The following SLC6A13 variants were observed in gnomAD, a reference collection of about 807,000 sequenced individuals.
The protein encoded by SLC6A13 is sodium- and chloride-dependent GABA transporter 2.
Under a neutral mutation model 72.9 loss-of-function variants are expected in SLC6A13, and 69 were observed. The ratio of observed to expected loss-of-function variants is 0.95; its 90% CI spans 0.78 to 1.16. The LOEUF (loss-of-function observed/expected upper bound fraction) is 1.16, where lower values mean the gene tolerates loss of function less well. Among genes scored for constraint, SLC6A13 ranks in the 50% most tolerant of loss-of-function variants. The pLI, the probability that SLC6A13 is intolerant of heterozygous loss-of-function variation, is 0.00. For missense variants in SLC6A13, 735 were observed against 760.5 expected, an observed-to-expected ratio of 0.97 and a Z score of 0.39; for synonymous variants, 303 against 303.0, an observed-to-expected ratio of 1.00 and a Z score of 0.00.
chr12:246,015 G>A (rs1047984607), intron 2 of SLC6A13, among the ~76,000 whole-genome samples: 6 of 152,008 alleles, frequency 3.9e-5, no homozygotes, highest in African/African-American at 1.5e-4. Flanking sequence ...CTACTTGGGA[G>A]GCTGAGGAAG....
At chr12:241,096 G>C (rs565186245) in intron 4 of SLC6A13, among the ~76,000 whole-genome samples, 1 of 152,208 alleles carries the variant, frequency 6.6e-6, no homozygotes, top group African/African-American at 2.4e-5. Context: ...ACAAGGTCAG[G>C]AGTTCAAGAC....
Position 242,802 on chromosome 12 carries a change from C to T in SLC6A13, c.338-48G>A, listed in dbSNP as rs74057642. ...GGCTAGGAACGGTGGACAGCGGTGG[C>T]GTGCACCTGTCATTTCAGCTATGCG... On this transcript the variant is annotated intron_variant, in intron 3 of 14. Coordinates refer to ENST00000343164, the MANE Select transcript of SLC6A13 (RefSeq NM_016615.5). 35,867 of 1,537,690 alleles carry T rather than the reference C, an allele frequency of 0.023. 3,056 individuals are homozygous for T. The East Asian group carries it at 0.28, about 12-fold the overall frequency.
chr12:242,563 T>C (rs749508441), intron 4 of SLC6A13, 51 bp downstream of exon 4: 2 of 1,571,314 alleles, frequency 1.3e-6, no homozygotes, highest in Non-Finnish European at 1.7e-6. Context: ...CCAATTCCGG[T>C]TAATGTGGCA....
intron 1 of SLC6A13, among the ~76,000 whole-genome samples, chr12:262,304 T>C (rs976629948): frequency 6.6e-6 from 1 of 152,236 alleles, no homozygotes; most frequent in Admixed American, 6.5e-5. Context: ...CATACCAATG[T>C]CTGACTTCAG....
chr12:222,702 C>A, intron 12 of SLC6A13, 70 bp from the exon 13 acceptor site: 1 of 922,810 alleles, frequency 1.1e-6, no homozygotes, highest in Non-Finnish European at 1.7e-6. Flanking sequence ...CAGGATGGGG[C>A]CACAAACAGA....
intron 9 of SLC6A13, 104 bp from the exon 10 acceptor site, chr12:224,617 A>G: frequency 1.1e-6 from 1 of 873,694 alleles, no homozygotes; most frequent in Non-Finnish European, 1.8e-6. Context: ...CAGGGGCTAG[A>G]GGAAACTTCA....
intron 2 of SLC6A13, among the ~76,000 whole-genome samples, chr12:246,974 C>G (rs1023899860): frequency 6.9e-6 from 1 of 145,610 alleles, no homozygotes. Flanking sequence ...TACCACTGCA[C>G]TCCAGCCTGG....
intron 2 of SLC6A13, among the ~76,000 whole-genome samples, chr12:250,980 C>A (rs1266616653): frequency 6.6e-6 from 1 of 151,634 alleles, no homozygotes; most frequent in Admixed American, 6.6e-5. Context: ...CACGGTGAAA[C>A]CCTGTCTCTA....
At chr12:221,244 G>A (rs761760989) in intron 14 of SLC6A13, 132 bp downstream of exon 14, 56 of 1,274,082 alleles carry the variant, frequency 4.4e-5, no homozygotes, top group Non-Finnish European at 5.6e-5. Flanking sequence ...CCACTCTATC[G>A]CTCCCTGACA....
In SLC6A13 at chr12:237,240, C is replaced by A. The variant is rs373279173; in HGVS notation, c.614G>T (p.Arg205Leu). The A allele has an allele frequency of 6.2e-7, 1 of 1,613,986 alleles. No homozygotes were observed. Among genetic ancestry groups the A allele is most frequent in the African/African-American group, 1.3e-5 (1 of 75,018 alleles). ...CAGGAGGCACAGAGCCAGCTCCCAG[C>A]GCAGGGCCCCCAGGTGCTGGATCCC... ...SDGIQHLGAL[R>L]WELALCLLLA... is the part of the protein sequence containing the mutation. Residue 205 changes from arginine to leucine, a missense_variant, in exon 6 of 15, where the codon CGC becomes CTC. Physicochemically the swap from Arg to Leu is moderately radical, Grantham distance 102. Coordinates refer to ENST00000343164, the MANE Select transcript of SLC6A13 (RefSeq NM_016615.5).
Position 238,030 on chromosome 12 carries a change from AG to A in SLC6A13, c.479-21del, listed in dbSNP as rs1942004830. On this transcript the variant is annotated intron_variant, in intron 4 of 14. Transcript: ENST00000343164. ...AGTGTTCTACCCATGGGTCACGAGG[AG>A]GGAAAAAAGAGAAAAATCATCAGCC... The A allele has an allele frequency of 1.9e-6, 3 of 1,608,908 alleles. No homozygotes were observed. Among genetic ancestry groups the A allele is most frequent in the Admixed American group, 1.7e-5 (1 of 59,978 alleles).
chr12:222,752 C>G, intron 12 of SLC6A13, 120 bp from the exon 13 acceptor site: 1 of 626,916 alleles, frequency 1.6e-6, no homozygotes, highest in Non-Finnish European at 2.8e-6. Flanking sequence ...GACATCACAG[C>G]TGTCTGTTCA....
At chr12:226,739 G>A (rs1266091573) in intron 8 of SLC6A13, 4 of 454,340 alleles carry the variant, frequency 8.8e-6, no homozygotes, top group African/African-American at 2.0e-5. Flanking sequence ...ATAAATCAAG[G>A]TAGTCCTAAA....
At chr12:238,316 A>G in intron 4 of SLC6A13, 2 of 1,370,248 alleles carry the variant, frequency 1.5e-6, no homozygotes, top group Non-Finnish European at 9.6e-7. Context: ...TAACATTTCT[A>G]TGTAAGCGTC....
At chr12:253,376 A>T (rs1252055943) in intron 2 of SLC6A13, 1 of 152,206 alleles carries the variant, frequency 6.6e-6, no homozygotes, top group African/African-American at 2.4e-5. Flanking sequence ...GTCATTAACT[A>T]CACTTGGTAA....
In SLC6A13 at chr12:224,456, G is replaced by C. The variant is rs1941356159; in HGVS notation, c.1118C>G (p.Pro373Arg). 6.2e-7 allele frequency: 1 copy of C among 1,614,184 alleles called. No individual in the cohort carries two copies. The highest frequency in any genetic ancestry group is 8.5e-7 in the Non-Finnish European group (1 of 1,180,032). ...PRAVVMLPFS[P>R]LWACCFFFMV... ...GAAGAAGAAACAGCAGGCCCAGAGA[G>C]GAGAGAAGGGCAGCATCACCACAGC... Residue 373 changes from proline to arginine, a missense_variant, in exon 10 of 15, where the codon CCT becomes CGT. Transcript: ENST00000343164.
chr12:234,767 T>C (rs10774015), intron 7 of SLC6A13, among the ~76,000 whole-genome samples: 127,422 of 152,104 alleles, frequency 0.84, 53,848 homozygotes, highest in Non-Finnish European at 0.91. Flanking sequence ...ATCCACCCAC[T>C]TCGGCCTCCC....
chr12:236,841 T>C (rs1941950195), intron 6 of SLC6A13: 1 of 210,384 alleles, frequency 4.8e-6, no homozygotes, highest in Non-Finnish European at 9.4e-6. Flanking sequence ...ATGGAATTCT[T>C]TTTCCAAAGA....
At chr12:243,461 T>C (rs1179368885) in intron 3 of SLC6A13, among the ~76,000 whole-genome samples, 1 of 152,258 alleles carries the variant, frequency 6.6e-6, no homozygotes, top group Non-Finnish European at 1.5e-5. Context: ...TCTACTTACC[T>C]AACCTAAAGC....
Sources: allele counts gnomAD v4.1 joint callset (sites outside exome capture counted in the v4.1 genomes callset), GRCh38; gene constraint gnomAD v4.1.1; transcripts MANE v1.5; gene names NCBI Gene and HGNC (gene_info 2026-07-23, HGNC 2026-07-21).